Variants in CATSPERB observed in about 807,000 individuals in gnomAD.
CATSPERB encodes catsper channel auxiliary subunit beta.
In CATSPERB, 93 loss-of-function variants were observed where a neutral mutation model predicts 128.3. The ratio of observed to expected loss-of-function variants is 0.72; its 90% CI spans 0.61 to 0.86. The LOEUF (loss-of-function observed/expected upper bound fraction) is 0.86. CATSPERB is among the 40% of genes least tolerant of loss of function. The pLI is 0.00. For synonymous variants in CATSPERB, 381 were observed against 448.8 expected (o/e 0.85, Z 1.91); for missense variants, 1,153 against 1,329.5 (o/e 0.87, Z 2.06).
At chr14:91,686,243 T>C (rs1161846382) in intron 10 of CATSPERB, among the ~76,000 whole-genome samples, 2 of 152,226 alleles carry the variant, frequency 1.3e-5, no homozygotes, top group African/African-American at 4.8e-5. Flanking sequence ...TTTAATGATC[T>C]AGCCCCCTCA....
At chr14:91,590,993 C>A (rs1445470060) in intron 23 of CATSPERB, among the ~76,000 whole-genome samples, 2 of 151,790 alleles carry the variant, frequency 1.3e-5, no homozygotes, top group African/African-American at 4.8e-5. Context: ...ATAACAGTTT[C>A]TCAATATACA....
At chr14:91,605,699 C>T (rs1306865248) in intron 22 of CATSPERB, among the ~76,000 whole-genome samples, 2 of 152,166 alleles carry the variant, frequency 1.3e-5, no homozygotes, top group African/African-American at 2.4e-5. Context: ...GTTGCCTCAG[C>T]CTGGAATGCT....
At chr14:91,617,975 G>A (rs140752636) in intron 19 of CATSPERB, among the ~76,000 whole-genome samples, 265 of 152,292 alleles carry the variant, frequency 1.7e-3, no homozygotes, top group African/African-American at 6.2e-3. Flanking sequence ...AGAATTCAGG[G>A]TGAGTCCATA....
chr14:91,686,374 T>TC (rs1895376481), intron 10 of CATSPERB, among the ~76,000 whole-genome samples: 1 of 152,226 alleles, frequency 6.6e-6, no homozygotes, highest in African/African-American at 2.4e-5. Flanking sequence ...GGATGAGACT[T>TC]ACTGAATGAA....
At chr14:91,635,678 G>C (rs1316460876) in intron 17 of CATSPERB, 1 of 152,168 alleles carries the variant, frequency 6.6e-6, no homozygotes, top group Non-Finnish European at 1.5e-5. Context: ...TTCTGAATAA[G>C]AGTTATTAGG....
chr14:91,636,354 C>T (rs559463758), intron 17 of CATSPERB, 71 bp downstream of exon 17: 3 of 1,417,140 alleles, frequency 2.1e-6, no homozygotes, highest in Admixed American at 3.5e-5. Flanking sequence ...CAGAGCAAGA[C>T]CCTATCTCAA....
chr14:91,605,974 G>A lies in CATSPERB; in HGVS notation c.2709+2320C>T, dbSNP rs1201866965. 6.6e-5 allele frequency among the ~76,000 whole-genome samples: 10 copies of A among 152,194 alleles called. No individual in the cohort carries two copies. In the South Asian group the frequency reaches 1.0e-3, roughly 16 times the overall value. On this transcript the variant is annotated intron_variant, in intron 22 of 26. Coordinates refer to ENST00000256343, the MANE Select transcript of CATSPERB (RefSeq NM_024764.4). ...GCGGATCCCTTGAGGTCAGGAGTTC[G>A]AGACCAGCCTGGCCAACATGGTGAA...
intron 22 of CATSPERB, among the ~76,000 whole-genome samples, chr14:91,595,290 GTTTATTTATTTA>G (rs138277074): frequency 1.7e-3 from 259 of 150,306 alleles, no homozygotes; most frequent in African/African-American, 6.1e-3. Flanking sequence ...CTCAGATAAG[GTTTATTTATTTA>G]TTTATTTATT....
chr14:91,638,543 C>T (rs1449737454), intron 16 of CATSPERB, among the ~76,000 whole-genome samples: 1 of 152,088 alleles, frequency 6.6e-6, no homozygotes, highest in Non-Finnish European at 1.5e-5. Flanking sequence ...GCCTCAGCCT[C>T]CCAAGAAGCT....
At chr14:91,594,497 A>G (rs1239069791) in intron 22 of CATSPERB, among the ~76,000 whole-genome samples, 1 of 152,074 alleles carries the variant, frequency 6.6e-6, no homozygotes, top group Non-Finnish European at 1.5e-5. Context: ...AGAAAAAAAA[A>G]AAAAGAAGTG....
rs572416163 is a variant in CATSPERB, at chr14:91,725,712, G to A, written c.80-544C>T. ...GATTTGGTGGAGAGAACAGGATACG[G>A]TTTGTTGAGAAAGAGATGGGTACGT... On this transcript the variant is annotated intron_variant, in intron 2 of 26. Coordinates refer to ENST00000256343, the MANE Select transcript of CATSPERB (RefSeq NM_024764.4). Among the ~76,000 whole-genome samples the A allele has an allele frequency of 1.2e-4, 19 of 152,278 alleles. No homozygotes were observed. The South Asian group carries it at 3.1e-3, about 25-fold the overall frequency.
At chr14:91,649,510 T>G (rs1285020583) in intron 15 of CATSPERB, among the ~76,000 whole-genome samples, 1 of 151,520 alleles carries the variant, frequency 6.6e-6, no homozygotes, top group Non-Finnish European at 1.5e-5. Context: ...ACTTTTTTTT[T>G]TTTTTGAGAC....
chr14:91,714,555 C>CTTTT (rs56965295), intron 5 of CATSPERB, among the ~76,000 whole-genome samples: 33 of 88,026 alleles, frequency 3.7e-4, no homozygotes, highest in Admixed American at 5.5e-4. Flanking sequence ...CCATAAACTA[C>CTTTT]TTTTTTTTTT....
chr14:91,591,245 G>A (rs1893394920), intron 23 of CATSPERB, among the ~76,000 whole-genome samples: 1 of 151,676 alleles, frequency 6.6e-6, no homozygotes, highest in Non-Finnish European at 1.5e-5. Flanking sequence ...AGTAGAGATT[G>A]GGTTTCACCA....
intron 22 of CATSPERB, among the ~76,000 whole-genome samples, chr14:91,600,046 G>A (rs1893583741): frequency 6.6e-6 from 1 of 152,174 alleles, no homozygotes; most frequent in East Asian, 1.9e-4. Flanking sequence ...GCATCTGATT[G>A]TTTCCACTTT....
chr14:91,634,213 A>C (rs1894327954), intron 17 of CATSPERB, among the ~76,000 whole-genome samples: 1 of 152,204 alleles, frequency 6.6e-6, no homozygotes, highest in Non-Finnish European at 1.5e-5. Flanking sequence ...AATGTTATTA[A>C]GAAAATCGTA....
chr14:91,719,601 GA>G (rs1895996609), intron 4 of CATSPERB, 123 bp from the exon 5 acceptor site: 2 of 615,740 alleles, frequency 3.2e-6, no homozygotes, highest in Admixed American at 3.5e-5. Context: ...CTTTTACCTA[GA>G]AATTTCACTC....
At chr14:91,593,828 T>C (rs1183993935) in intron 22 of CATSPERB, among the ~76,000 whole-genome samples, 1 of 152,176 alleles carries the variant, frequency 6.6e-6, no homozygotes, top group African/African-American at 2.4e-5. Context: ...TGTGTTCCCA[T>C]TCAAATCTCA....
intron 15 of CATSPERB, among the ~76,000 whole-genome samples, chr14:91,646,509 T>C (rs1894608895): frequency 6.6e-6 from 1 of 152,334 alleles, no homozygotes; most frequent in South Asian, 2.1e-4. Flanking sequence ...AAACTCTCCA[T>C]GGCTTCAACC....
Sources: gnomAD v4.1 joint callset for allele counts (sites outside exome capture counted in the v4.1 genomes callset) on GRCh38, gnomAD v4.1.1 for gene constraint, MANE v1.5 for transcripts, NCBI Gene and HGNC (gene_info 2026-07-23, HGNC 2026-07-21) for gene names.